SERINC5: variants seen among roughly 807,000 people sequenced by gnomAD.
The protein encoded by SERINC5 is serine incorporator 5.
In SERINC5, 41 loss-of-function variants were observed where a neutral mutation model predicts 63.1. That is an observed-to-expected ratio of 0.65 (90% confidence interval 0.51 to 0.84). SERINC5 has a LOEUF of 0.84. Among genes scored for constraint, SERINC5 ranks in the 40% least tolerant of loss-of-function variants. The probability of loss-of-function intolerance (pLI) is 0.00; values close to 1 mark genes in which losing one functional copy is unlikely to be tolerated. For synonymous variants in SERINC5, 222 were observed against 215.2 expected (o/e 1.03, Z -0.28); for missense variants, 523 against 573.0 (o/e 0.91, Z 0.89).
intron 11 of SERINC5, among the ~76,000 whole-genome samples, chr5:80,118,432 G>C (rs779142451): frequency 2.0e-5 from 3 of 152,158 alleles, no homozygotes; most frequent in Non-Finnish European, 2.9e-5. Flanking sequence ...TGGAGGCTTG[G>C]AAGTCCAAGA....
intron 7 of SERINC5, among the ~76,000 whole-genome samples, chr5:80,164,910 G>GT (rs70982026): frequency 0.019 from 1,656 of 85,122 alleles, 181 homozygotes; most frequent in African/African-American, 0.029. Flanking sequence ...CTTTTTTTCT[G>GT]TTTTTTTTTT....
Position 80,139,042 on chromosome 5 carries a change from A to G in SERINC5, c.*4621T>C, listed in dbSNP as rs1347916989. ...GACTAAAGGGGGAAAATAACTTTCA[A>G]AAGTTACCAAAATTCGAATCATATC... On this transcript the variant is annotated 3_prime_UTR_variant, in exon 12 of 12. Coordinates refer to ENST00000507668, the MANE Select transcript of SERINC5 (RefSeq NM_001174072.3). 3 of 983,484 alleles carry G rather than the reference A, an allele frequency of 3.1e-6. No individual in the cohort carries two copies. The highest frequency in any genetic ancestry group is 1.7e-5 in the African/African-American group (1 of 57,222). 60.9% of individuals were successfully genotyped at this position (983,484 alleles called of 1,614,324 possible).
At chr5:80,192,314 C>T (rs1053305274) in intron 2 of SERINC5, among the ~76,000 whole-genome samples, 5 of 152,176 alleles carry the variant, frequency 3.3e-5, no homozygotes, top group African/African-American at 9.7e-5. Flanking sequence ...CTTTGGGCTG[C>T]GGTCCAGCTG....
intron 5 of SERINC5, among the ~76,000 whole-genome samples, chr5:80,170,381 CA>C (rs1747572307): frequency 6.6e-6 from 1 of 152,128 alleles, no homozygotes; most frequent in African/African-American, 2.4e-5. Context: ...TGAGGGCAGC[CA>C]TCCGGGTTGC....
chr5:80,147,393 G>A (rs1745891921), intron 9 of SERINC5, 109 bp from the exon 10 acceptor site: 7 of 1,151,398 alleles, frequency 6.1e-6, no homozygotes, highest in African/African-American at 1.5e-5. Flanking sequence ...TTCAAAAGAT[G>A]TGGACTGTTC....
chr5:80,242,963 AC>A (rs1228954659), intron 1 of SERINC5, among the ~76,000 whole-genome samples: 1 of 152,014 alleles, frequency 6.6e-6, no homozygotes, highest in Non-Finnish European at 1.5e-5. Context: ...TGCTATACAA[AC>A]CTCTAGTTTT....
Position 80,141,232 on chromosome 5 carries a change from C to T in SERINC5, c.*2431G>A. The T allele has an allele frequency of 3.0e-6, 3 of 985,502 alleles. No homozygotes were observed. Among genetic ancestry groups the T allele is most frequent in the Non-Finnish European group, 3.6e-6 (3 of 829,954 alleles). The allele number at this position is 985,502 out of a possible 1,614,324, so 61.0% of individuals were successfully genotyped here. On this transcript the variant is annotated 3_prime_UTR_variant, in exon 12 of 12. Coordinates refer to ENST00000507668, the MANE Select transcript of SERINC5 (RefSeq NM_001174072.3). ...ATTCAGAGCAACTGTAACTCTTCCT[C>T]TTGCATCAGACCAACCGGCAGAAGG...
Position 80,140,581 on chromosome 5 carries a change from T to A in SERINC5, c.*3082A>T. The A allele has an allele frequency of 1.0e-6, 1 of 984,790 alleles. No individual in the cohort carries two copies. The highest frequency in any genetic ancestry group is 1.2e-6 in the Non-Finnish European group (1 of 829,812). 61.0% of individuals were successfully genotyped at this position (984,790 alleles called of 1,614,324 possible). A position where few individuals can be genotyped will look rare whatever the true frequency, so the allele number is the denominator to read the frequency against. ...AAGAACCTTTTTGCCCAAGAAACTG[T>A]GGGCAAAAATAAAACTAACCAATCA... On this transcript the variant is annotated 3_prime_UTR_variant, in exon 12 of 12. Transcript: ENST00000507668.
chr5:80,183,685 TGA>T (rs1339107656), intron 2 of SERINC5, among the ~76,000 whole-genome samples: 1 of 152,088 alleles, frequency 6.6e-6, no homozygotes, highest in Non-Finnish European at 1.5e-5. Flanking sequence ...GCTCCCCCAC[TGA>T]GCACCTTGTG....
downstream of SERINC5, among the ~76,000 whole-genome samples, chr5:80,136,107 A>C (rs965933334): frequency 6.6e-6 from 1 of 152,082 alleles, no homozygotes; most frequent in Non-Finnish European, 1.5e-5. Context: ...TCACACCTGT[A>C]ATCCCAGCAC....
At chr5:80,143,988 T>A (rs1415357683) in intron 11 of SERINC5, 178 bp from the exon 12 acceptor site, 1 of 744,484 alleles carries the variant, frequency 1.3e-6, no homozygotes, top group African/African-American at 1.8e-5. Flanking sequence ...AAAGAAATCA[T>A]GCACCCCTTA....
In SERINC5 at chr5:80,143,002, T is replaced by C. The variant is rs1745602126; in HGVS notation, c.*661A>G. On this transcript the variant is annotated 3_prime_UTR_variant, in exon 12 of 12. Transcript: ENST00000507668. ...GTGCTTTTTCACATTATTACAAAGA[T>C]GTGGGACCCAGAAAAGATGAGACCT... The C allele has an allele frequency of 2.0e-6, 2 of 985,306 alleles. No homozygotes were observed. Among genetic ancestry groups the C allele is most frequent in the Non-Finnish European group, 2.4e-6 (2 of 829,964 alleles). 61.0% of individuals were successfully genotyped at this position (985,306 alleles called of 1,614,324 possible).
chr5:80,181,155 C>G (rs949401028), intron 2 of SERINC5, among the ~76,000 whole-genome samples: 4 of 152,156 alleles, frequency 2.6e-5, no homozygotes, highest in Non-Finnish European at 5.9e-5. Flanking sequence ...ACGTGACTGT[C>G]TCTCCAGTCT....
At chr5:80,123,039 T>C (rs766541769) in intron 11 of SERINC5, among the ~76,000 whole-genome samples, 23 of 152,246 alleles carry the variant, frequency 1.5e-4, no homozygotes, top group Non-Finnish European at 2.8e-4. Flanking sequence ...GTTGTTAAAT[T>C]TGTGGTGATT....
chr5:80,193,752 C>T lies in SERINC5; in HGVS notation c.195+9134G>A, dbSNP rs74582458. 6.5e-3 allele frequency among the ~76,000 whole-genome samples: 995 copies of T among 152,276 alleles called. 8 individuals are homozygous for T. The highest frequency in any genetic ancestry group is 0.013 in the Admixed American group (192 of 15,288). On this transcript the variant is annotated intron_variant, in intron 2 of 11. Coordinates refer to ENST00000507668, the MANE Select transcript of SERINC5 (RefSeq NM_001174072.3). ...AAAACGATTTCCCACCACTACTTCC[C>T]GACATCCACTTGTATGGGGAAGGAT...
chr5:80,224,180 T>C (rs1751059055), intron 1 of SERINC5, among the ~76,000 whole-genome samples: 1 of 143,076 alleles, frequency 7.0e-6, no homozygotes, highest in African/African-American at 2.6e-5. Flanking sequence ...CAGAAATGAA[T>C]CTGGGCACAG....
intron 1 of SERINC5, among the ~76,000 whole-genome samples, chr5:80,241,826 T>A (rs1361673968): frequency 6.6e-6 from 1 of 151,892 alleles, no homozygotes; most frequent in African/African-American, 2.4e-5. Context: ...AGCATCCAAT[T>A]AAATGACAAA....
chr5:80,252,914 A>C (rs1345848902), intron 1 of SERINC5, among the ~76,000 whole-genome samples: 1 of 152,168 alleles, frequency 6.6e-6, no homozygotes, highest in African/African-American at 2.4e-5. Context: ...AAAGTCACCA[A>C]AATGTCTCTC....
At chr5:80,251,721 C>T (rs572496080) in intron 1 of SERINC5, among the ~76,000 whole-genome samples, 67 of 146,092 alleles carry the variant, frequency 4.6e-4, no homozygotes, top group African/African-American at 1.6e-3. Context: ...CAGAATGAGA[C>T]GCTGTCTCAA....
Sources: gnomAD v4.1 joint callset for allele counts (sites outside exome capture counted in the v4.1 genomes callset) on GRCh38, gnomAD v4.1.1 for gene constraint, MANE v1.5 for transcripts, NCBI Gene and HGNC (gene_info 2026-07-23, HGNC 2026-07-21) for gene names.